The following PKN3 variants were observed in gnomAD, a reference collection of about 807,000 sequenced individuals.
The protein encoded by PKN3 is protein kinase N3.
PKN3 carries 91 observed loss-of-function variants against 113.1 expected under a neutral mutation model. The ratio of observed to expected loss-of-function variants is 0.80; its 90% CI spans 0.68 to 0.96. The LOEUF (loss-of-function observed/expected upper bound fraction) is 0.96, where lower values mean the gene tolerates loss of function less well. Ranked by LOEUF, PKN3 falls within the 40% of genes least tolerant of loss-of-function variation. The pLI, the probability that PKN3 is intolerant of heterozygous loss-of-function variation, is 0.00. For missense variants in PKN3, 1,052 were observed against 1,202.2 expected (o/e 0.88, Z 1.85); for synonymous variants, 467 against 499.0 (o/e 0.94, Z 0.85).
Position 128,713,558 on chromosome 9 carries a change from C to T in PKN3, c.1152C>T (p.Ala384=). 6.2e-7 allele frequency: 1 copy of T among 1,613,912 alleles called. No individual in the cohort carries two copies. The highest frequency in any genetic ancestry group is 8.5e-7 in the Non-Finnish European group (1 of 1,179,990). The change falls in exon 9 of 22, where the codon GCC becomes GCT. Residue 384 remains alanine (A), a synonymous_variant. Coordinates refer to ENST00000291906, the MANE Select transcript of PKN3 (RefSeq NM_013355.5). ...WRDWRQLCGV[A]FLRLEDFLDN... is the part of the protein sequence containing the mutation. ...ACTGGCGGCAGCTATGTGGCGTGGCCTTCCTGAGACTTGAGGACTTCCTGG... is the reference window on the plus strand; with the variant it reads ...ACTGGCGGCAGCTATGTGGCGTGGCTTTCCTGAGACTTGAGGACTTCCTGG...
rs1455581314 is a variant in PKN3 at position 128,707,274 on chromosome 9, C to T, written c.704C>T (p.Ala235Val). ...CAGAAACTGGACCTCCTGCGCCTGG[C>T]CTTGGAGCAGCTGCTGGAGCAACTG... The part of the protein sequence containing the change: ...SSQKLDLLRL[A>V]LEQLLEQLPP... The change falls in exon 6 of 22, where the codon GCC becomes GTC. Residue 235 changes from alanine to valine, a missense_variant. By Grantham distance (64) the Ala-to-Val change is moderately conservative. Coordinates refer to ENST00000291906, the MANE Select transcript of PKN3 (RefSeq NM_013355.5). 6.2e-7 allele frequency: 1 copy of T among 1,613,396 alleles called. No individual in the cohort carries two copies. The highest frequency in any genetic ancestry group is 2.2e-5 in the East Asian group (1 of 44,862).
intron 1 of PKN3, chr9:128,704,117 G>A: frequency 2.0e-6 from 2 of 985,436 alleles, no homozygotes; most frequent in Non-Finnish European, 2.4e-6. Context: ...AGGAGAAGAT[G>A]GAACACAGAG....
rs757514088 is a variant in PKN3, at chr9:128,716,943, C to G, written c.1985+20C>G. ...GGCCCGGTGGGTTCCATCCCTCCTG[C>G]CTGCCTCTTCCAGCAAACTTTGCCT... is the stretch of plus-strand genomic sequence containing the variant. On this transcript the variant is annotated intron_variant, in intron 16 of 21. Coordinates refer to ENST00000291906, the MANE Select transcript of PKN3 (RefSeq NM_013355.5). The G allele has an allele frequency of 6.2e-6, 10 of 1,608,510 alleles. No homozygotes were observed. The highest frequency in any genetic ancestry group is 8.5e-6 in the Non-Finnish European group (10 of 1,175,576).
chr9:128,704,170 C>T, intron 1 of PKN3: 5 of 984,474 alleles, frequency 5.1e-6, no homozygotes, highest in Non-Finnish European at 6.0e-6. Flanking sequence ...TGCGGGGCAT[C>T]ATGGGTTACC....
In PKN3 at chr9:128,720,344, T is replaced by C; in HGVS notation, c.2458-50T>C. ...GGCAGGGTAGGTGGCATGGAGTGAC[T>C]CCTGGAGCTGCTGTTCCTGCCGTCT... On this transcript the variant is annotated intron_variant, in intron 21 of 21. Coordinates refer to ENST00000291906, the MANE Select transcript of PKN3 (RefSeq NM_013355.5). This position sits in a 1 kb window ranked among gnomAD's most constrained non-coding sequence, Gnocchi z 5.5. 1 of 1,610,386 alleles carries C rather than the reference T, an allele frequency of 6.2e-7. No individual in the cohort carries two copies. The highest frequency in any genetic ancestry group is 8.5e-7 in the Non-Finnish European group (1 of 1,177,470).
rs751476863 is a variant in PKN3 at position 128,713,035 on chromosome 9, G to GCTCAC, written c.836-16_836-12dup. On this transcript the variant is annotated splice_polypyrimidine_tract_variant and intron_variant, in intron 6 of 21. Coordinates refer to ENST00000291906, the MANE Select transcript of PKN3 (RefSeq NM_013355.5). ...AAGATGGCATCTGACAACGCCCCCC[G>GCTCAC]CTCACTCTCCCCACAGGGACACTGC... is the stretch of plus-strand genomic sequence containing the variant. The GCTCAC allele has an allele frequency of 3.2e-6, 5 of 1,578,504 alleles. No individual in the cohort carries two copies. Among genetic ancestry groups the GCTCAC allele is most frequent in the Admixed American group, 1.8e-5 (1 of 56,208 alleles).
At chr9:128,718,649 A>G (rs370186462) in intron 18 of PKN3, 24 bp downstream of exon 18, 29 of 1,609,874 alleles carry the variant, frequency 1.8e-5, no homozygotes, top group African/African-American at 1.5e-4. Context: ...ATTGGGATCC[A>G]TATCTCCAGC....
chr9:128,704,985 G>A (rs1390643619), intron 1 of PKN3, among the ~76,000 whole-genome samples: 1 of 152,138 alleles, frequency 6.6e-6, no homozygotes, highest in African/African-American at 2.4e-5. Context: ...ACCGGGTGGG[G>A]TGGCTGGGAG....
chr9:128,714,452 C>CA, intron 11 of PKN3, 87 bp downstream of exon 11: 6 of 1,238,824 alleles, frequency 4.8e-6, no homozygotes, highest in Non-Finnish European at 1.2e-6. Context: ...TGTCTGTCTG[C>CA]ATTGCTCAGC....
chr9:128,710,218 G>A (rs967949462), intron 6 of PKN3, among the ~76,000 whole-genome samples: 54 of 151,562 alleles, frequency 3.6e-4, no homozygotes, highest in African/African-American at 1.2e-3. Flanking sequence ...GTGAGCCACC[G>A]CGCCCGGCCA....
chr9:128,709,752 C>CAA (rs879264485), intron 6 of PKN3: 4 of 132,050 alleles, frequency 3.0e-5, no homozygotes, highest in Non-Finnish European at 5.0e-5. Context: ...AACTCTGTCT[C>CAA]AAAAAAAAAA....
chr9:128,703,734 G>C (rs1186716825), intron 1 of PKN3: 1 of 985,366 alleles, frequency 1.0e-6, no homozygotes, highest in Non-Finnish European at 1.2e-6. Context: ...TGCGGGGTGC[G>C]TGTAGACTCC....
At chr9:128,710,536 GA>G (rs1421169086) in intron 6 of PKN3, among the ~76,000 whole-genome samples, 8 of 152,018 alleles carry the variant, frequency 5.3e-5, no homozygotes, top group African/African-American at 1.9e-4. Context: ...CTGTCGCCCA[GA>G]CTGGAGTGCA....
At position 128,720,608 on chromosome 9, in the gene PKN3, G is replaced by A; in HGVS notation, c.*2G>A. The stretch of plus-strand genomic sequence containing the variant: ...TCAGAGCGATTCCTGGAACCCTGAG[G>A]GCATCTCCTGGCACCTCTGTCCCCT... On this transcript the variant is annotated 3_prime_UTR_variant, in exon 22 of 22. Transcript: ENST00000291906. This position sits in a 1 kb window ranked among gnomAD's most constrained non-coding sequence, Gnocchi z 5.5. The A allele has an allele frequency of 1.2e-6, 2 of 1,610,530 alleles. No homozygotes were observed. Among genetic ancestry groups the A allele is most frequent in the Non-Finnish European group, 1.7e-6 (2 of 1,178,116 alleles).
At position 128,715,172 on chromosome 9, in the gene PKN3, G is replaced by C; in HGVS notation, c.1653G>C (p.Arg551Ser). The C allele has an allele frequency of 6.2e-7, 1 of 1,614,018 alleles. No homozygotes were observed. Among genetic ancestry groups the C allele is most frequent in the East Asian group, 2.2e-5 (1 of 44,858 alleles). Residue 551 changes from arginine (R) to serine (S), a missense_variant and splice_region_variant, in exon 14 of 22, where the codon AGG becomes AGC. Transcript: ENST00000291906. The surrounding 1 kb of genome is among the most constrained non-coding windows in gnomAD (Gnocchi z 4.1). ...TCATATACCCTCTCTTCCTTTGCAG[G>C]AAACCCCCTCGGCTTCAGGACTTCC... ...RGPSPPASPTRKPPRLQDFRC... is the reference protein window; with the variant it reads ...RGPSPPASPTSKPPRLQDFRC...
At chr9:128,708,809 C>G (rs1564371777) in intron 6 of PKN3, among the ~76,000 whole-genome samples, 1 of 150,672 alleles carries the variant, frequency 6.6e-6, no homozygotes, top group Non-Finnish European at 1.5e-5. Context: ...CACTGTTGCA[C>G]TCCAGCGTGG....
At position 128,705,182 on chromosome 9, in the gene PKN3, T is replaced by C. The variant is rs562099070; in HGVS notation, c.25-121T>C. 7.1e-5 allele frequency: 92 copies of C among 1,288,234 alleles called. No homozygotes were observed. The South Asian group carries it at 1.2e-3, about 17-fold the overall frequency. 79.8% of individuals were successfully genotyped at this position (1,288,234 alleles called of 1,614,324 possible). ...AAGGGGAGAGAGGCTTCCAAAACCC[T>C]GTGCGAGTCAGTCCTGGGTGCCGTC... On this transcript the variant is annotated intron_variant, in intron 1 of 21. Transcript: ENST00000291906.
intron 6 of PKN3, among the ~76,000 whole-genome samples, chr9:128,712,598 G>A (rs1339377060): frequency 6.6e-6 from 1 of 152,156 alleles, no homozygotes; most frequent in Non-Finnish European, 1.5e-5. Context: ...CTTCTAGGCA[G>A]CATCTCGTCA....
chr9:128,707,625 G>C (rs186821499), intron 6 of PKN3, among the ~76,000 whole-genome samples: 1 of 152,250 alleles, frequency 6.6e-6, no homozygotes, highest in Non-Finnish European at 1.5e-5. Flanking sequence ...TGTGTTGCAC[G>C]TGATGTGCTA....
Sources: gnomAD v4.1 joint callset for allele counts (sites outside exome capture counted in the v4.1 genomes callset) on GRCh38, gnomAD v4.1.1 for gene constraint, Gnocchi (gnomAD v3.1) non-coding constraint, MANE v1.5 for transcripts, NCBI Gene and HGNC (gene_info 2026-07-23, HGNC 2026-07-21) for gene names.